The following AKAP13 variants were observed in gnomAD, a reference collection of about 807,000 sequenced individuals.
AKAP13 encodes A-kinase anchor protein 13.
In AKAP13, 80 loss-of-function variants were observed where a neutral mutation model predicts 264.5. The observed-to-expected ratio is 0.30, with a 90% CI of 0.25 to 0.36. The LOEUF (loss-of-function observed/expected upper bound fraction) is 0.36. Ranked by LOEUF, AKAP13 falls within the 10% of genes least tolerant of loss-of-function variation. AKAP13 has a pLI of 1.00. For missense variants in AKAP13, 3,712 were observed against 3,435.2 expected (o/e 1.08, Z -2.01); for synonymous variants, 1,380 against 1,250.2 (o/e 1.10, Z -2.19).
At chr15:85,484,442 G>A (rs568057899) in intron 1 of AKAP13, among the ~76,000 whole-genome samples, 3 of 152,200 alleles carry the variant, frequency 2.0e-5, no homozygotes, top group Admixed American at 1.3e-4. Flanking sequence ...TAGCGCATGG[G>A]GTGGACCAGA....
rs1461054824 is a variant in AKAP13 at position 85,626,510 on chromosome 15, G to A, written c.4162-12864G>A. ...GGAGTCATACAACATTTGTCCTTTTGTGACTGTCTTATTTCACTTAGCATA... is the reference window on the plus strand; with the variant it reads ...GGAGTCATACAACATTTGTCCTTTTATGACTGTCTTATTTCACTTAGCATA... On this transcript the variant is annotated intron_variant, in intron 8 of 36. Transcript: ENST00000394518. Among the ~76,000 whole-genome samples the A allele has an allele frequency of 2.0e-5, 3 of 152,264 alleles. No homozygotes were observed. In the East Asian group the frequency reaches 5.8e-4, roughly 29 times the overall value.
intron 1 of AKAP13, among the ~76,000 whole-genome samples, chr15:85,381,521 C>CAT (rs2070263900): frequency 1.6e-5 from 1 of 64,290 alleles, no homozygotes; most frequent in South Asian, 6.7e-4. Context: ...CGGTTTACTG[C>CAT]TTTTTTTTTT....
intron 19 of AKAP13, 123 bp downstream of exon 19, chr15:85,710,768 G>C: frequency 9.2e-7 from 1 of 1,082,972 alleles, no homozygotes; most frequent in Non-Finnish European, 1.3e-6. Context: ...TGTGGTAAGT[G>C]AGAGAAGGCT....
intron 17 of AKAP13, among the ~76,000 whole-genome samples, chr15:85,704,752 G>A (rs1158977554): frequency 6.6e-6 from 1 of 152,208 alleles, no homozygotes; most frequent in Non-Finnish European, 1.5e-5. Flanking sequence ...TAACAACATG[G>A]TATGGTTTGT....
intron 11 of AKAP13, among the ~76,000 whole-genome samples, chr15:85,657,930 T>C (rs1369605750): frequency 1.3e-5 from 2 of 152,210 alleles, no homozygotes; most frequent in Non-Finnish European, 1.5e-5. Flanking sequence ...ATTTTAGAGC[T>C]ACATGTGACT....
chr15:85,434,466 A>G (rs2073176903), intron 1 of AKAP13, among the ~76,000 whole-genome samples: 1 of 152,224 alleles, frequency 6.6e-6, no homozygotes, highest in Non-Finnish European at 1.5e-5. Flanking sequence ...GGTGGAGCCC[A>G]CCACAGCTCA....
intron 8 of AKAP13, among the ~76,000 whole-genome samples, chr15:85,613,733 A>G (rs976100107): frequency 8.4e-5 from 11 of 131,634 alleles, no homozygotes; most frequent in Admixed American, 4.4e-4. Context: ...TGATTGATGG[A>G]CAGATGTCCT....
At chr15:85,720,469 T>C (rs2087215822) in intron 23 of AKAP13, among the ~76,000 whole-genome samples, 1 of 152,214 alleles carries the variant, frequency 6.6e-6, no homozygotes, top group African/African-American at 2.4e-5. Flanking sequence ...AAAATTCAGC[T>C]AAAATTACTT....
chr15:85,625,480 C>A (rs914395215), intron 8 of AKAP13, among the ~76,000 whole-genome samples: 2 of 152,124 alleles, frequency 1.3e-5, no homozygotes, highest in African/African-American at 4.8e-5. Context: ...GTCTTTGAAT[C>A]ACGTTTGGAA....
intron 5 of AKAP13, among the ~76,000 whole-genome samples, chr15:85,553,860 A>G (rs774651085): frequency 5.3e-5 from 8 of 152,154 alleles, no homozygotes; most frequent in Non-Finnish European, 1.2e-4. Context: ...CGTGAACTGC[A>G]TATGTGAGGG....
At chr15:85,386,877 A>G (rs2070592314) in intron 1 of AKAP13, among the ~76,000 whole-genome samples, 1 of 151,808 alleles carries the variant, frequency 6.6e-6, no homozygotes, top group Non-Finnish European at 1.5e-5. Context: ...GATTACTGTC[A>G]CCTTAGAGTA....
chr15:85,733,222 T>G (rs927165248), intron 30 of AKAP13, among the ~76,000 whole-genome samples: 2 of 152,230 alleles, frequency 1.3e-5, no homozygotes, highest in African/African-American at 4.8e-5. Context: ...AAAGCCTATT[T>G]TGCTGAATAT....
chr15:85,438,532 A>G (rs2073444319), intron 1 of AKAP13, among the ~76,000 whole-genome samples: 1 of 148,106 alleles, frequency 6.8e-6, no homozygotes. Context: ...CCAAAAGAAC[A>G]AAGCTGGAGG....
chr15:85,671,919 G>C (rs2083952973), intron 14 of AKAP13, among the ~76,000 whole-genome samples: 1 of 152,154 alleles, frequency 6.6e-6, no homozygotes, highest in Non-Finnish European at 1.5e-5. Context: ...TATATTTTGT[G>C]ACATGCTTTC....
chr15:85,432,367 TAA>T (rs896840084), intron 1 of AKAP13, among the ~76,000 whole-genome samples: 1 of 145,014 alleles, frequency 6.9e-6, no homozygotes, highest in African/African-American at 2.5e-5. Context: ...CTGCAAATCT[TAA>T]AAAAAAAAAA....
intron 1 of AKAP13, among the ~76,000 whole-genome samples, chr15:85,452,717 A>G (rs2097760690): frequency 6.6e-6 from 1 of 152,156 alleles, no homozygotes; most frequent in South Asian, 2.1e-4. Flanking sequence ...TGGACTAAAC[A>G]GTTGTTCAGT....
intron 33 of AKAP13, 73 bp downstream of exon 33, chr15:85,736,207 CTT>C (rs878904305): frequency 7.3e-4 from 765 of 1,048,632 alleles, no homozygotes; most frequent in East Asian, 1.0e-3. Context: ...TTGTTTTTTC[CTT>C]TTTTTTTTTT....
At chr15:85,409,475 G>T (rs1336801097) in intron 1 of AKAP13, among the ~76,000 whole-genome samples, 8 of 151,542 alleles carry the variant, frequency 5.3e-5, no homozygotes, top group African/African-American at 2.0e-4. Flanking sequence ...ACCCTATCAG[G>T]TCCATTACCC....
chr15:85,552,037 A>G (rs1264037283), intron 5 of AKAP13, among the ~76,000 whole-genome samples: 4 of 152,246 alleles, frequency 2.6e-5, no homozygotes, highest in African/African-American at 7.2e-5. Context: ...TTGAATAAAC[A>G]TTTTCACTAA....
Sources: gnomAD v4.1 joint callset for allele counts (sites outside exome capture counted in the v4.1 genomes callset) on GRCh38, gnomAD v4.1.1 for gene constraint, MANE v1.5 for transcripts, NCBI Gene and HGNC (gene_info 2026-07-23, HGNC 2026-07-21) for gene names.